Variants in MED13L observed in about 807,000 individuals in gnomAD.
MED13L encodes the protein mediator complex subunit 13L.
In MED13L, 7 loss-of-function variants were observed where a neutral mutation model predicts 220.9. That is an observed-to-expected ratio of 0.03 (90% CI 0.02 to 0.06). The LOEUF is 0.06. MED13L is among the 10% of genes least tolerant of loss of function. MED13L has a pLI of 1.00. For synonymous variants in MED13L, 1,011 were observed against 1,015.2 expected (o/e 1.00, Z 0.08); for missense variants, 1,965 against 2,760.5 (o/e 0.71, Z 6.46).
chr12:116,147,013 T>C (rs1328387339), intron 2 of MED13L, among the ~76,000 whole-genome samples: 2 of 152,186 alleles, frequency 1.3e-5, no homozygotes, highest in Non-Finnish European at 2.9e-5. Context: ...ATGGTGGCCC[T>C]ACTATGCCTA....
intron 3 of MED13L, among the ~76,000 whole-genome samples, chr12:116,110,908 G>C (rs913888064): frequency 3.3e-5 from 5 of 152,050 alleles, no homozygotes; most frequent in Non-Finnish European, 7.4e-5. Context: ...AAAGGCTAAA[G>C]AACTGTTCTG....
intron 4 of MED13L, among the ~76,000 whole-genome samples, chr12:116,091,822 CTTTAAAATTCCATGG>C (rs1186949911): frequency 6.6e-6 from 1 of 152,186 alleles, no homozygotes; most frequent in African/African-American, 2.4e-5. Context: ...AATCTTGAAA[CTTTAAAATTCCATGG>C]TTCTGGTAAC....
chr12:116,141,691 G>T (rs1362749724), intron 2 of MED13L, among the ~76,000 whole-genome samples: 1 of 151,994 alleles, frequency 6.6e-6, no homozygotes, highest in Non-Finnish European at 1.5e-5. Flanking sequence ...TCATCAACCT[G>T]GATCATGACA....
chr12:116,134,951 C>T lies in MED13L; in HGVS notation c.311-23439G>A, dbSNP rs139831427. Among the ~76,000 whole-genome samples, 1,228 of 152,166 alleles carry T rather than the reference C, an allele frequency of 8.1e-3. 24 individuals are homozygous for T. Among genetic ancestry groups the T allele is most frequent in the African/African-American group, 0.028 (1,159 of 41,516 alleles). On this transcript the variant is annotated intron_variant, in intron 2 of 30. Transcript: ENST00000281928. ...TTGGGAGACTGAGGCAGGCGGATCA[C>T]GAGGTCAGGAGATGGAGACCATCCT...
chr12:116,066,178 C>T (rs1250326069), intron 4 of MED13L, among the ~76,000 whole-genome samples: 1 of 152,134 alleles, frequency 6.6e-6, no homozygotes, highest in East Asian at 1.9e-4. Context: ...GACTGAGGAG[C>T]AGCTACAGTG....
chr12:115,974,550 C>T, intron 25 of MED13L, among the ~76,000 whole-genome samples: 1 of 152,220 alleles, frequency 6.6e-6, no homozygotes, highest in East Asian at 1.9e-4. Flanking sequence ...TGTTGTGTTA[C>T]AGTTAAAGTG....
intron 4 of MED13L, among the ~76,000 whole-genome samples, chr12:116,064,610 C>T (rs1041621708): frequency 6.6e-6 from 1 of 152,154 alleles, no homozygotes. Context: ...GAAGGGAGTT[C>T]CCAGGGTCTC....
chr12:116,071,708 A>G (rs1487235825), intron 4 of MED13L, among the ~76,000 whole-genome samples: 2 of 152,242 alleles, frequency 1.3e-5, no homozygotes, highest in Non-Finnish European at 2.9e-5. Context: ...CTTAAGAGGA[A>G]TTTTATAAAA....
chr12:116,015,290 AT>A lies in MED13L; in HGVS notation c.1010-17del. 1 of 1,613,598 alleles carries A rather than the reference AT, an allele frequency of 6.2e-7. No individual in the cohort carries two copies. On this transcript the variant is annotated splice_polypyrimidine_tract_variant and intron_variant, in intron 7 of 30. Transcript: ENST00000281928. ...CCACTCTCACCTGAAAAAAAAGGCA[AT>A]TTGGAATGTTAGGATTTTCTGAAAA...
chr12:115,992,096 T>G lies in MED13L; in HGVS notation c.2997-139A>C, dbSNP rs3741767. The G allele has an allele frequency of 0.22, 173,434 of 789,346 alleles. 20,803 individuals are homozygous for G. The highest frequency in any genetic ancestry group is 0.24 in the South Asian group (15,777 of 66,418). The allele number at this position is 789,346 out of a possible 1,614,324, so 48.9% of individuals were successfully genotyped here. A position where few individuals can be genotyped will look rare whatever the true frequency, so the allele number is the denominator to read the frequency against. Reference sequence around the variant, plus strand: ...CACTGGGATACACTGGTATATTTAATTTTCTCTTAAAAAAAAAAAAGAAGA... The same window carrying G: ...CACTGGGATACACTGGTATATTTAAGTTTCTCTTAAAAAAAAAAAAGAAGA... On this transcript the variant is annotated intron_variant, in intron 16 of 30. Transcript: ENST00000281928.
At chr12:116,209,777 C>G (rs1882577358) in intron 2 of MED13L, among the ~76,000 whole-genome samples, 2 of 152,182 alleles carry the variant, frequency 1.3e-5, no homozygotes. Flanking sequence ...GACACTTTCT[C>G]AAATGATACA....
At chr12:116,047,648 G>A (rs1881921109) in intron 4 of MED13L, among the ~76,000 whole-genome samples, 2 of 152,122 alleles carry the variant, frequency 1.3e-5, no homozygotes, top group African/African-American at 4.8e-5. Context: ...CAGGAAACAA[G>A]CCCCAAGTAA....
rs1361489912 is a variant in MED13L at position 115,980,692 on chromosome 12, C to T, written c.5364+58G>A. On this transcript the variant is annotated intron_variant, in intron 23 of 30. Transcript: ENST00000281928. ...CCAATCTCTGGGTTAGATAAAATACCTCTTCTAGCTTGCATTTTAGTATAA... is the reference window on the plus strand; with the variant it reads ...CCAATCTCTGGGTTAGATAAAATACTTCTTCTAGCTTGCATTTTAGTATAA... The T allele has an allele frequency of 2.6e-6, 4 of 1,553,598 alleles. No individual in the cohort carries two copies. In the Admixed American group the frequency reaches 6.7e-5, roughly 26 times the overall value.
At chr12:115,986,993 A>C (rs144033827) in intron 18 of MED13L, 116 bp downstream of exon 18, 14,766 of 1,083,068 alleles carry the variant, frequency 0.014, 153 homozygotes, top group Non-Finnish European at 0.015. Context: ...CTAAATGGTC[A>C]AAGAAAAAGA....
At chr12:116,033,715 C>A (rs747923957) in intron 4 of MED13L, among the ~76,000 whole-genome samples, 2 of 152,042 alleles carry the variant, frequency 1.3e-5, no homozygotes, top group Non-Finnish European at 2.9e-5. Flanking sequence ...TTTTAAATAA[C>A]ATATTTTTGG....
chr12:116,180,347 T>C lies in MED13L; in HGVS notation c.310+57121A>G, dbSNP rs372293798. 5.9e-5 allele frequency among the ~76,000 whole-genome samples: 9 copies of C among 152,298 alleles called. No homozygotes were observed. The East Asian group carries it at 1.5e-3, about 26-fold the overall frequency. ...CAAGCGAAAAATTCCACATTTGACC[T>C]CCTATGACAGGCTGCAGTAGTCAAA... On this transcript the variant is annotated intron_variant, in intron 2 of 30. Transcript: ENST00000281928.
At chr12:115,980,987 T>G in intron 22 of MED13L, 49 bp from the exon 23 acceptor site, 3 of 1,524,440 alleles carry the variant, frequency 2.0e-6, no homozygotes, top group Non-Finnish European at 2.7e-6. Context: ...ACCTAGAAAC[T>G]GAGATCTAAC....
Position 116,277,108 on chromosome 12 carries a change from C to T in MED13L, c.24G>A (p.Val8=), listed in dbSNP as rs776634177. The T allele has an allele frequency of 3.1e-6, 5 of 1,588,956 alleles. No homozygotes were observed. ...AATCCTCCAGGCTCGCCCCGTTCGC[C>T]ACCCAGTTCGCTGCCGCAGTCATGA... MTAAANW[V]ANGASLEDCH... The change falls in exon 1 of 31, where the codon GTG becomes GTA. Residue 8 remains valine, a synonymous_variant. Coordinates refer to ENST00000281928, the MANE Select transcript of MED13L (RefSeq NM_015335.5).
intron 6 of MED13L, 21 bp downstream of exon 6, chr12:116,019,757 A>G: frequency 6.2e-7 from 1 of 1,607,330 alleles, no homozygotes; most frequent in Non-Finnish European, 8.5e-7. Flanking sequence ...AAAGTTCTTC[A>G]GGCAAAATAT....
Sources: gnomAD v4.1 joint callset for allele counts (sites outside exome capture counted in the v4.1 genomes callset) on GRCh38, gnomAD v4.1.1 for gene constraint, MANE v1.5 for transcripts, NCBI Gene and HGNC (gene_info 2026-07-23, HGNC 2026-07-21) for gene names.